Variants in ADAM9 observed in about 807,000 individuals in gnomAD.
ADAM9 encodes disintegrin and metalloproteinase domain-containing protein 9.
Under a neutral mutation model 108.1 loss-of-function variants are expected in ADAM9, and 54 were observed. The observed-to-expected ratio is 0.50, with a 90% CI of 0.40 to 0.63. The LOEUF is 0.63. Ranked by LOEUF, ADAM9 falls within the 20% of genes least tolerant of loss-of-function variation. ADAM9 has a pLI of 0.00. For missense variants in ADAM9, 830 were observed against 997.7 expected (o/e 0.83, Z 2.26); for synonymous variants, 316 against 336.0 (o/e 0.94, Z 0.65).
At chr8:39,029,717 A>G (rs1019696986) in intron 11 of ADAM9, among the ~76,000 whole-genome samples, 1 of 152,204 alleles carries the variant, frequency 6.6e-6, no homozygotes, top group African/African-American at 2.4e-5. Flanking sequence ...CTTGTGTCCC[A>G]GGTACAAATC....
chr8:39,059,032 C>T (rs1378701584), intron 14 of ADAM9, among the ~76,000 whole-genome samples: 1 of 152,174 alleles, frequency 6.6e-6, no homozygotes, highest in Non-Finnish European at 1.5e-5. Flanking sequence ...TGCTGTCAGC[C>T]AGCTGCTTCA....
intron 12 of ADAM9, among the ~76,000 whole-genome samples, chr8:39,044,573 AAT>A (rs1375825835): frequency 6.7e-6 from 1 of 149,182 alleles, no homozygotes; most frequent in African/African-American, 2.5e-5. Flanking sequence ...GTACCTTATA[AAT>A]AATTTGTCAG....
chr8:39,076,164 A>G (rs1838844334), intron 15 of ADAM9: 2 of 152,194 alleles, frequency 1.3e-5, no homozygotes, highest in South Asian at 2.1e-4. Context: ...CTGAAATTTC[A>G]TGCTCCATTC....
intron 14 of ADAM9, among the ~76,000 whole-genome samples, chr8:39,062,346 C>A (rs926420407): frequency 6.6e-6 from 1 of 152,178 alleles, no homozygotes; most frequent in Admixed American, 6.5e-5. Flanking sequence ...ACTGGCTCAA[C>A]TCAAGGAATT....
chr8:39,099,787 C>T (rs149156923), intron 20 of ADAM9, among the ~76,000 whole-genome samples: 33 of 151,810 alleles, frequency 2.2e-4, no homozygotes, highest in African/African-American at 6.8e-4. Flanking sequence ...TATCCAGCAC[C>T]TTGCTTGCTT....
rs1482574969 is a variant in ADAM9, at chr8:39,017,418, A to G, written c.606+4A>G. ...CAGCATGACTCAGCTACTTCGAGTA[A>G]GGAAATAACATAATTCTTCATGGCT... On this transcript the variant is annotated splice_donor_region_variant and intron_variant, in intron 6 of 21. Coordinates refer to ENST00000487273, the MANE Select transcript of ADAM9 (RefSeq NM_003816.3). 1 of 1,613,116 alleles carries G rather than the reference A, an allele frequency of 6.2e-7. No individual in the cohort carries two copies. The highest frequency in any genetic ancestry group is 8.5e-7 in the Non-Finnish European group (1 of 1,179,300).
chr8:39,025,020 C>T (rs1367311295), intron 9 of ADAM9, among the ~76,000 whole-genome samples: 1 of 151,738 alleles, frequency 6.6e-6, no homozygotes, highest in Non-Finnish European at 1.5e-5. Context: ...GAGGTCCAGG[C>T]GGAGGGAACA....
chr8:39,045,492 G>A (rs1372175020), intron 12 of ADAM9, among the ~76,000 whole-genome samples: 1 of 145,138 alleles, frequency 6.9e-6, no homozygotes, highest in Non-Finnish European at 1.5e-5. Context: ...ATATGTGCGT[G>A]TGTATACATA....
intron 1 of ADAM9, among the ~76,000 whole-genome samples, chr8:39,002,633 A>G (rs1368733232): frequency 6.6e-6 from 1 of 151,992 alleles, no homozygotes; most frequent in Non-Finnish European, 1.5e-5. Flanking sequence ...AATTAGGTAG[A>G]ACTCTTTTAA....
At position 38,997,107 on chromosome 8, in the gene ADAM9, G is replaced by C; in HGVS notation, c.44G>C (p.Arg15Pro). 1.2e-6 allele frequency: 2 copies of C among 1,606,012 alleles called. No individual in the cohort carries two copies. The highest frequency in any genetic ancestry group is 1.7e-5 in the Admixed American group (1 of 59,994). Residue 15 changes from arginine to proline, a missense_variant, in exon 1 of 22, where the codon CGG (arginine) becomes CCG (proline). Coordinates refer to ENST00000487273, the MANE Select transcript of ADAM9 (RefSeq NM_003816.3). ...TTTCCCTCGGGGACCCTTCGTGTCCGGTGGTTGCTGTTGCTTGGCCTGGTG... is the reference window on the plus strand; with the variant it reads ...TTTCCCTCGGGGACCCTTCGTGTCCCGTGGTTGCTGTTGCTTGGCCTGGTG... ...ARFPSGTLRV[R>P]WLLLLGLVGP... is the part of the protein sequence containing the mutation.
chr8:39,016,004 C>T, intron 4 of ADAM9, 114 bp from the exon 5 acceptor site: 2 of 952,768 alleles, frequency 2.1e-6, no homozygotes, highest in Non-Finnish European at 3.3e-6. Context: ...ATAAATAAAA[C>T]TTTGTTATTA....
At chr8:39,078,815 A>T (rs186377677) in intron 16 of ADAM9, among the ~76,000 whole-genome samples, 79 of 152,276 alleles carry the variant, frequency 5.2e-4, no homozygotes, top group African/African-American at 1.8e-3. Flanking sequence ...ATAAAATAGT[A>T]TGCTATTTCT....
chr8:39,008,186 T>TA (rs397767148), intron 2 of ADAM9, among the ~76,000 whole-genome samples: 6 of 151,738 alleles, frequency 4.0e-5, no homozygotes, highest in Admixed American at 6.6e-5. Flanking sequence ...TTTTTTTTTT[T>TA]AAAATGGAGT....
chr8:39,062,667 A>T (rs1018193944), intron 14 of ADAM9, among the ~76,000 whole-genome samples: 26 of 152,308 alleles, frequency 1.7e-4, no homozygotes, highest in Non-Finnish European at 4.4e-5. Context: ...TATCACCTAG[A>T]ATCTGATACT....
intron 11 of ADAM9, among the ~76,000 whole-genome samples, chr8:39,038,034 T>C (rs1475635987): frequency 6.6e-6 from 1 of 152,196 alleles, no homozygotes; most frequent in Non-Finnish European, 1.5e-5. Context: ...ACTCTTCATC[T>C]TAATGGCTGT....
rs1588420631 is a variant in ADAM9 at position 39,080,953 on chromosome 8, T to TA, written c.1882-1688_1882-1687insA. 2.0e-5 allele frequency among the ~76,000 whole-genome samples: 3 copies of TA among 148,854 alleles called. No individual in the cohort carries two copies. In the East Asian group the frequency reaches 6.0e-4, roughly 30 times the overall value. On this transcript the variant is annotated intron_variant, in intron 16 of 21. Transcript: ENST00000487273. Reference sequence around the variant, plus strand: ...CTTACCTTCCCACTGTGAGAGTTTTTTTTTTTTTTTTTTTTGAGGCAGGGT... The same window carrying TA: ...CTTACCTTCCCACTGTGAGAGTTTTTATTTTTTTTTTTTTTTGAGGCAGGGT...
chr8:39,080,800 C>T lies in ADAM9; in HGVS notation c.1882-1841C>T, dbSNP rs532611435. Among the ~76,000 whole-genome samples the T allele has an allele frequency of 5.3e-5, 8 of 152,148 alleles. No homozygotes were observed. The South Asian group carries it at 6.2e-4, about 12-fold the overall frequency. On this transcript the variant is annotated intron_variant, in intron 16 of 21. Transcript: ENST00000487273. ...TTGTCCCAGGTAGTTCAATTTTGCTCCCCACTTGCATCCTGAAATCAGTAA... is the reference window on the plus strand; with the variant it reads ...TTGTCCCAGGTAGTTCAATTTTGCTTCCCACTTGCATCCTGAAATCAGTAA...
chr8:39,016,551 CATT>C (rs1458786418), intron 5 of ADAM9, among the ~76,000 whole-genome samples: 4 of 152,204 alleles, frequency 2.6e-5, no homozygotes, highest in Admixed American at 6.5e-5. Context: ...AATAAGAGCT[CATT>C]ATCTCTGTAT....
At chr8:39,039,315 A>G (rs1436657808) in intron 11 of ADAM9, among the ~76,000 whole-genome samples, 2 of 152,232 alleles carry the variant, frequency 1.3e-5, no homozygotes, top group Non-Finnish European at 2.9e-5. Flanking sequence ...AAGATGTACA[A>G]CATGTTTTGA....
Sources: allele counts gnomAD v4.1 joint callset (sites outside exome capture counted in the v4.1 genomes callset), GRCh38; gene constraint gnomAD v4.1.1; transcripts MANE v1.5; gene names NCBI Gene and HGNC (gene_info 2026-07-23, HGNC 2026-07-21).